TRAF3IP1: variants seen among roughly 807,000 people sequenced by gnomAD.
TRAF3IP1 encodes intraflagellar transport 54, also known as TRAF3-interacting protein 1.
In TRAF3IP1, 53 loss-of-function variants were observed where a neutral mutation model predicts 89.9. The observed-to-expected ratio is 0.59, with a 90% CI of 0.47 to 0.74. The LOEUF is 0.74. Among genes scored for constraint, TRAF3IP1 ranks in the 30% least tolerant of loss-of-function variants. The pLI is 0.00. For missense variants in TRAF3IP1, 806 were observed against 866.1 expected (o/e 0.93, Z 0.87); for synonymous variants, 311 against 322.1 (o/e 0.97, Z 0.37).
At chr2:238,367,048 C>T (rs1276871017) in intron 15 of TRAF3IP1, among the ~76,000 whole-genome samples, 1 of 150,858 alleles carries the variant, frequency 6.6e-6, no homozygotes, top group African/African-American at 2.4e-5. Context: ...CCTGTAATCC[C>T]AGCTACTCAG....
At chr2:238,392,858 G>C (rs1701054304) in intron 15 of TRAF3IP1, among the ~76,000 whole-genome samples, 1 of 152,234 alleles carries the variant, frequency 6.6e-6, no homozygotes, top group Admixed American at 6.5e-5. Context: ...TTGCAGGCAT[G>C]AGCCACCATG....
At chr2:238,398,713 A>T (rs771740025) in intron 16 of TRAF3IP1, 41 bp from the exon 17 acceptor site, 1 of 1,515,978 alleles carries the variant, frequency 6.6e-7, no homozygotes, top group Non-Finnish European at 8.8e-7. Context: ...ACACACAATG[A>T]GATGAGAGAG....
chr2:238,390,397 G>A (rs1700945449), intron 15 of TRAF3IP1, among the ~76,000 whole-genome samples: 1 of 152,222 alleles, frequency 6.6e-6, no homozygotes, highest in East Asian at 1.9e-4. Context: ...AGAAGGAAGT[G>A]TGTCGATGAG....
At chr2:238,340,467 T>C (rs2106380038) in intron 8 of TRAF3IP1, among the ~76,000 whole-genome samples, 1 of 152,298 alleles carries the variant, frequency 6.6e-6, no homozygotes, top group East Asian at 1.9e-4. Flanking sequence ...GTGGGTTTTA[T>C]TGTTACCATT....
intron 8 of TRAF3IP1, among the ~76,000 whole-genome samples, chr2:238,341,759 C>G (rs1574913551): frequency 6.6e-6 from 1 of 152,102 alleles, no homozygotes; most frequent in Non-Finnish European, 1.5e-5. Flanking sequence ...CAGGATGGCT[C>G]TGTGAGGCGG....
rs189775433 is a variant in TRAF3IP1, at chr2:238,324,685, A to G, written c.124-621A>G. On this transcript the variant is annotated intron_variant, in intron 1 of 16. Coordinates refer to ENST00000373327, the MANE Select transcript of TRAF3IP1 (RefSeq NM_015650.4). ...AGTGGTACGATCTCGGCTCACTGCA[A>G]TCTCTGTTTCCTGCTTCAAGTGATT... Among the ~76,000 whole-genome samples the G allele has an allele frequency of 3.4e-4, 52 of 151,836 alleles. 1 individual carries two copies. In the East Asian group the frequency reaches 9.5e-3, roughly 28 times the overall value.
chr2:238,353,196 A>G lies in TRAF3IP1; in HGVS notation c.1599A>G (p.Glu533=), dbSNP rs1553614308. 7.4e-6 allele frequency: 12 copies of G among 1,614,104 alleles called. No homozygotes were observed. In the South Asian group the frequency reaches 1.3e-4, roughly 18 times the overall value. The stretch of plus-strand genomic sequence containing the variant: ...AGGTAACAGCAGTGGAACTAGAAGA[A>G]GAGGAGAAGCATGGTGAGTCCTGGG... ...IEMVTAVELE[E]EEKHGGLVKK... Residue 533 remains glutamate, a synonymous_variant, in exon 14 of 17, where the codon GAA becomes GAG. Coordinates refer to ENST00000373327, the MANE Select transcript of TRAF3IP1 (RefSeq NM_015650.4).
chr2:238,377,415 C>T (rs1050207753), intron 15 of TRAF3IP1, among the ~76,000 whole-genome samples: 13 of 151,614 alleles, frequency 8.6e-5, no homozygotes, highest in African/African-American at 1.2e-4. Flanking sequence ...GTTCCCCCCC[C>T]ACTGTGGGGC....
At chr2:238,376,843 A>G (rs908648693) in intron 15 of TRAF3IP1, among the ~76,000 whole-genome samples, 4 of 152,190 alleles carry the variant, frequency 2.6e-5, no homozygotes, top group Non-Finnish European at 5.9e-5. Flanking sequence ...CTTCGCTGTA[A>G]TAGCAGCAAA....
chr2:238,332,935 T>C (rs1698201885), intron 6 of TRAF3IP1, 40 bp downstream of exon 6: 1 of 1,490,552 alleles, frequency 6.7e-7, no homozygotes, highest in Non-Finnish European at 9.3e-7. Flanking sequence ...TGTCAACTTG[T>C]AGCTGTGTTG....
rs534559695 is a variant in TRAF3IP1 at position 238,372,527 on chromosome 2, A to G, written c.1689+16447A>G. Among the ~76,000 whole-genome samples the G allele has an allele frequency of 2.6e-5, 4 of 152,256 alleles. No individual in the cohort carries two copies. The East Asian group carries it at 7.7e-4, about 29-fold the overall frequency. ...GTGCCACATTTTCTTTACCCAGTCTATCATTGATGGACATTTGGGTTGGTT... is the reference window on the plus strand; with the variant it reads ...GTGCCACATTTTCTTTACCCAGTCTGTCATTGATGGACATTTGGGTTGGTT... On this transcript the variant is annotated intron_variant, in intron 15 of 16. Transcript: ENST00000373327.
intron 15 of TRAF3IP1, among the ~76,000 whole-genome samples, chr2:238,374,146 G>T (rs1700220677): frequency 6.6e-6 from 1 of 152,148 alleles, no homozygotes; most frequent in Non-Finnish European, 1.5e-5. Flanking sequence ...TGATTGCCCT[G>T]GCCGGAACTT....
In TRAF3IP1 at chr2:238,345,444, C is replaced by T. The variant is rs868471453; in HGVS notation, c.1261+846C>T. Among the ~76,000 whole-genome samples, 1 of 152,200 alleles carries T rather than the reference C, an allele frequency of 6.6e-6. No individual in the cohort carries two copies. The highest frequency in any genetic ancestry group is 1.5e-5 in the Non-Finnish European group (1 of 68,026). ...ATAAACCAAGATCCCGGCTGGGATGCGACTGCAGCAGGGCTGGCTCAGCCC... is the reference window on the plus strand; with the variant it reads ...ATAAACCAAGATCCCGGCTGGGATGTGACTGCAGCAGGGCTGGCTCAGCCC... On this transcript the variant is annotated intron_variant, in intron 9 of 16. Transcript: ENST00000373327. This position sits in a 1 kb window ranked among gnomAD's most constrained non-coding sequence, Gnocchi z 4.7.
At chr2:238,330,500 G>A (rs11886441) in intron 5 of TRAF3IP1, among the ~76,000 whole-genome samples, 17,768 of 152,208 alleles carry the variant, frequency 0.12, 1,764 homozygotes, top group African/African-American at 0.27. Context: ...AGGACACTGA[G>A]GTCGGGAAGG....
intron 15 of TRAF3IP1, among the ~76,000 whole-genome samples, chr2:238,396,477 T>C (rs1283526114): frequency 6.6e-6 from 1 of 150,946 alleles, no homozygotes; most frequent in Non-Finnish European, 1.5e-5. Context: ...CATGTATACA[T>C]ATGTAACAAA....
intron 7 of TRAF3IP1, among the ~76,000 whole-genome samples, chr2:238,337,940 A>G (rs942662089): frequency 2.0e-5 from 3 of 152,230 alleles, no homozygotes; most frequent in Admixed American, 1.3e-4. Flanking sequence ...AAAACAAAAA[A>G]TGGAGAGTTC....
At chr2:238,369,009 T>C (rs1478277420) in intron 15 of TRAF3IP1, among the ~76,000 whole-genome samples, 1 of 152,172 alleles carries the variant, frequency 6.6e-6, no homozygotes, top group Non-Finnish European at 1.5e-5. Context: ...ACACTGTGTC[T>C]ATACTCTTAC....
At chr2:238,326,498 G>A (rs1401253396) in intron 3 of TRAF3IP1, among the ~76,000 whole-genome samples, 1 of 151,976 alleles carries the variant, frequency 6.6e-6, no homozygotes, top group Non-Finnish European at 1.5e-5. Context: ...TCAGTTGTAC[G>A]GGGAGTAGAT....
chr2:238,366,512 T>C (rs1699882994), intron 15 of TRAF3IP1, among the ~76,000 whole-genome samples: 1 of 152,212 alleles, frequency 6.6e-6, no homozygotes, highest in Non-Finnish European at 1.5e-5. Context: ...AGCTGTATTG[T>C]CACAAACATT....
Sources: allele counts gnomAD v4.1 joint callset (sites outside exome capture counted in the v4.1 genomes callset), GRCh38; gene constraint gnomAD v4.1.1; non-coding constraint Gnocchi (gnomAD v3.1); transcripts MANE v1.5; gene names NCBI Gene and HGNC (gene_info 2026-07-23, HGNC 2026-07-21).